IL1RN: variants seen among roughly 807,000 people sequenced by gnomAD.
IL1RN encodes interleukin-1 receptor antagonist protein.
A neutral mutation model predicts 13.7 loss-of-function variants in IL1RN; 10 were observed. The ratio of observed to expected loss-of-function variants is 0.73; its 90% CI spans 0.45 to 1.24. The LOEUF is 1.24. Ranked by LOEUF, IL1RN falls within the 50% of genes most tolerant of loss-of-function variation. The pLI is 0.00. For synonymous variants in IL1RN, 102 were observed against 82.7 expected (o/e 1.23, Z -1.27); for missense variants, 213 against 222.1 (o/e 0.96, Z 0.26).
upstream of IL1RN, chr2:113,107,340 A>C (rs956537254): frequency 4.6e-5 from 7 of 152,240 alleles, no homozygotes; most frequent in Non-Finnish European, 8.8e-5. Flanking sequence ...CTGACTTCTC[A>C]ACAACAACGA....
At chr2:113,102,063 C>T in the IL1RN span, among the ~76,000 whole-genome samples, 30 of 152,244 alleles carry the variant, frequency 2.0e-4, no homozygotes, top group Non-Finnish European at 3.2e-4. Flanking sequence ...CACCGTGCCC[C>T]GCCCGAGACT....
chr2:113,116,244 C>G (rs1039434953), upstream of IL1RN, among the ~76,000 whole-genome samples: 1 of 152,216 alleles, frequency 6.6e-6, no homozygotes, highest in Admixed American at 6.5e-5. Flanking sequence ...ATCAGGCTAT[C>G]CTGGCAGGTT....
At chr2:113,116,473 C>T (rs1030231616), upstream of IL1RN, among the ~76,000 whole-genome samples, 4 of 151,344 alleles carry the variant, frequency 2.6e-5, no homozygotes, top group African/African-American at 7.3e-5. Flanking sequence ...GAAGTCCCTG[C>T]GGTCGGGAGC....
At chr2:113,104,954 C>T (rs1012594157), upstream of IL1RN, among the ~76,000 whole-genome samples, 1 of 152,174 alleles carries the variant, frequency 6.6e-6, no homozygotes, top group Non-Finnish European at 1.5e-5. Flanking sequence ...AACTCCCAGT[C>T]CCAGTGGGAA....
upstream of IL1RN, among the ~76,000 whole-genome samples, chr2:113,109,990 C>G (rs970579772): frequency 2.2e-4 from 34 of 152,300 alleles, no homozygotes; most frequent in African/African-American, 7.5e-4. Context: ...ATCCTCACAC[C>G]TCACCTGGAG....
the IL1RN span, among the ~76,000 whole-genome samples, chr2:113,100,442 A>T: frequency 3.9e-5 from 6 of 152,198 alleles, no homozygotes; most frequent in Non-Finnish European, 8.8e-5. Flanking sequence ...GCAGCAAATG[A>T]CAAGGGGAGG....
chr2:113,106,166 G>A (rs1234672068), upstream of IL1RN, among the ~76,000 whole-genome samples: 1 of 152,038 alleles, frequency 6.6e-6, no homozygotes, highest in Non-Finnish European at 1.5e-5. Context: ...CTTCTTCACT[G>A]GAATTTAGTA....
chr2:113,127,942 C>A (rs968369619), intron 1 of IL1RN, among the ~76,000 whole-genome samples: 1 of 152,194 alleles, frequency 6.6e-6, no homozygotes, highest in Non-Finnish European at 1.5e-5. Context: ...GTGGATAGTG[C>A]GACCGGAGGG....
upstream of IL1RN, among the ~76,000 whole-genome samples, chr2:113,108,243 TG>T (rs921344094): frequency 4.6e-4 from 69 of 151,476 alleles, no homozygotes; most frequent in Middle Eastern, 6.8e-3. Context: ...CTTTTTTTTT[TG>T]GGGGGGGTTA....
At chr2:113,129,080 G>A (rs1450646267) in intron 1 of IL1RN, among the ~76,000 whole-genome samples, 1 of 152,132 alleles carries the variant, frequency 6.6e-6, no homozygotes, top group African/African-American at 2.4e-5. Context: ...AGGTGCTATG[G>A]TAGCCACTAG....
At chr2:113,099,719 C>CCTTCTTTTTTTTTTTTTT in the IL1RN span, among the ~76,000 whole-genome samples, 7 of 80,532 alleles carry the variant, frequency 8.7e-5, 2 homozygotes, top group Admixed American at 4.8e-4. Context: ...GCATCCTCTT[C>CCTTCTTTTTTTTTTTTTT]TTTCTTTTCT....
rs1687010354 is a variant in IL1RN, at chr2:113,127,666, C to T, written c.42C>T (p.Leu14=). Residue 14 remains leucine (L), a synonymous_variant, in exon 1 of 4, where the codon CTC becomes CTT. Coordinates refer to ENST00000409930, the MANE Select transcript of IL1RN (RefSeq NM_173842.3). ...GCCTCCGCAGTCACCTAATCACTCT[C>T]CTCCTCTTCCTGTTCCATTCAGAGA... ...CRGLRSHLIT[L]LLFLFHSETI... 1.2e-6 allele frequency: 2 copies of T among 1,614,044 alleles called. No homozygotes were observed. Among genetic ancestry groups the T allele is most frequent in the Non-Finnish European group, 1.7e-6 (2 of 1,180,038 alleles).
At chr2:113,131,023 C>T (rs1200219636) in intron 2 of IL1RN, 22 bp from the exon 3 acceptor site, 2 of 1,434,684 alleles carry the variant, frequency 1.4e-6, no homozygotes, top group Middle Eastern at 1.7e-4. Context: ...TTAACCTGAC[C>T]CTCCCCTCTG....
At position 113,132,886 on chromosome 2, in the gene IL1RN, G is replaced by A. The variant is rs747317183; in HGVS notation, c.*15G>A. 9.3e-6 allele frequency: 15 copies of A among 1,611,826 alleles called. No individual in the cohort carries two copies. The highest frequency in any genetic ancestry group is 6.6e-5 in the South Asian group (6 of 91,022). ...AGGACGAGTAGTACTGCCCAGGCCT[G>A]CCTGTTCCCATTCTTGCATGGCAAG... On this transcript the variant is annotated 3_prime_UTR_variant, in exon 4 of 4. Transcript: ENST00000409930.
chr2:113,120,105 G>A (rs1349627308), exon 2 of IL1RN: 6 of 1,613,288 alleles, frequency 3.7e-6, no homozygotes, highest in Non-Finnish European at 5.1e-6. Context: ...GGAGGAGAAG[G>A]TGAAGACAAT....
At chr2:113,107,571 A>C (rs199719215), upstream of IL1RN, among the ~76,000 whole-genome samples, 1 of 96,594 alleles carries the variant, frequency 1.0e-5, no homozygotes, top group Non-Finnish European at 2.4e-5. Flanking sequence ...TAAAAATACA[A>C]AAAAAAAAAA....
chr2:113,107,034 A>G (rs1299836079), upstream of IL1RN, among the ~76,000 whole-genome samples: 1 of 152,240 alleles, frequency 6.6e-6, no homozygotes, highest in African/African-American at 2.4e-5. Context: ...CAGAATGCAA[A>G]ATGATGAAAT....
At chr2:113,127,578 A>T, upstream of IL1RN, 3 of 1,607,600 alleles carry the variant, frequency 1.9e-6, no homozygotes, top group Non-Finnish European at 2.5e-6. Flanking sequence ...TATAAACCAC[A>T]ACTCTGGGCC....
At chr2:113,112,516 G>GC (rs1686518672) in intron 1 of IL1RN, among the ~76,000 whole-genome samples, 1 of 152,104 alleles carries the variant, frequency 6.6e-6, no homozygotes, top group East Asian at 1.9e-4. Flanking sequence ...GGAGGCCGGA[G>GC]CCCCCCTCGC....
Sources: gnomAD v4.1 joint callset for allele counts (sites outside exome capture counted in the v4.1 genomes callset) on GRCh38, gnomAD v4.1.1 for gene constraint, MANE v1.5 for transcripts, NCBI Gene and HGNC (gene_info 2026-07-23, HGNC 2026-07-21) for gene names.